Variants in SEMA5A observed in about 807,000 individuals in gnomAD.
The protein encoded by SEMA5A is semaphorin 5A, also known as semaphorin-5A.
A neutral mutation model predicts 135.5 loss-of-function variants in SEMA5A; 55 were observed. The observed-to-expected ratio is 0.41, with a 90% CI of 0.33 to 0.51. The LOEUF is 0.51. SEMA5A is among the 20% of genes least tolerant of loss of function. The pLI is 0.37. For missense variants in SEMA5A, 1,290 were observed against 1,419.9 expected, an observed-to-expected ratio of 0.91 and a Z score of 1.47; for synonymous variants, 580 against 546.5, an observed-to-expected ratio of 1.06 and a Z score of -0.85.
At chr5:9,444,230 T>A (rs1383541612) in intron 1 of SEMA5A, among the ~76,000 whole-genome samples, 1 of 152,146 alleles carries the variant, frequency 6.6e-6, no homozygotes, top group Non-Finnish European at 1.5e-5. Flanking sequence ...GGTGTTTGGT[T>A]ACATGAGTAA....
At chr5:9,315,762 G>A (rs1002792842) in intron 5 of SEMA5A, among the ~76,000 whole-genome samples, 2 of 152,134 alleles carry the variant, frequency 1.3e-5, no homozygotes, top group Non-Finnish European at 2.9e-5. Flanking sequence ...TCAAATCACT[G>A]AACTCTGTCC....
intron 8 of SEMA5A, 29 bp downstream of exon 8, chr5:9,224,645 T>G: frequency 1.2e-4 from 192 of 1,592,796 alleles, no homozygotes; most frequent in Non-Finnish European, 1.5e-4. Flanking sequence ...ACAAATGAGG[T>G]GAGAAAGAGG....
At chr5:9,409,820 C>A (rs1007748707) in intron 2 of SEMA5A, among the ~76,000 whole-genome samples, 1 of 152,006 alleles carries the variant, frequency 6.6e-6, no homozygotes, top group Non-Finnish European at 1.5e-5. Context: ...ATGCAGATAC[C>A]CAAATCAAAG....
At chr5:9,250,424 C>T (rs1460406219) in intron 5 of SEMA5A, among the ~76,000 whole-genome samples, 2 of 152,056 alleles carry the variant, frequency 1.3e-5, no homozygotes, top group African/African-American at 2.4e-5. Context: ...TAACCTTAGA[C>T]AAATAAAACT....
At chr5:9,054,065 C>A (rs956986331) in intron 19 of SEMA5A, 22 bp downstream of exon 19, 3 of 1,588,468 alleles carry the variant, frequency 1.9e-6, no homozygotes, top group Non-Finnish European at 1.7e-6. Flanking sequence ...GAAAGCTGTG[C>A]AGTAGGTGAG....
At chr5:9,438,143 T>G (rs1374347130) in intron 1 of SEMA5A, among the ~76,000 whole-genome samples, 4 of 152,222 alleles carry the variant, frequency 2.6e-5, no homozygotes, top group Non-Finnish European at 5.9e-5. Flanking sequence ...GAACCATTAT[T>G]TCAAAATTAT....
intron 5 of SEMA5A, among the ~76,000 whole-genome samples, chr5:9,311,743 T>C (rs1209273751): frequency 6.6e-6 from 1 of 151,966 alleles, no homozygotes; most frequent in Non-Finnish European, 1.5e-5. Context: ...TAAAGTATAA[T>C]GATAATAAAA....
intron 11 of SEMA5A, among the ~76,000 whole-genome samples, chr5:9,170,379 G>A (rs998234377): frequency 1.3e-5 from 2 of 152,108 alleles, no homozygotes; most frequent in African/African-American, 2.4e-5. Context: ...TACCCAACAT[G>A]TACATGTTAT....
At chr5:9,511,283 C>T (rs1271490273) in intron 1 of SEMA5A, 2 of 152,148 alleles carry the variant, frequency 1.3e-5, no homozygotes, top group Non-Finnish European at 2.9e-5. Context: ...TGATGTTCCT[C>T]TTATCTCTGT....
intron 2 of SEMA5A, among the ~76,000 whole-genome samples, chr5:9,397,050 C>CAA (rs11345966): frequency 7.2e-6 from 1 of 138,802 alleles, no homozygotes; most frequent in Non-Finnish European, 1.6e-5. Flanking sequence ...ACAAGGAAGA[C>CAA]AAAAAAAAAA....
intron 1 of SEMA5A, among the ~76,000 whole-genome samples, chr5:9,470,303 C>T (rs1182743182): frequency 6.6e-6 from 1 of 152,184 alleles, no homozygotes; most frequent in Admixed American, 6.6e-5. Flanking sequence ...TGCAGCAATA[C>T]TGTACAATGA....
intron 3 of SEMA5A, among the ~76,000 whole-genome samples, chr5:9,353,145 A>G (rs1182118740): frequency 2.3e-5 from 2 of 87,478 alleles, no homozygotes; most frequent in Non-Finnish European, 4.5e-5. Context: ...AGGAAAGGAA[A>G]GGAAAGGAAA....
At chr5:9,487,179 C>A (rs1305365319) in intron 1 of SEMA5A, among the ~76,000 whole-genome samples, 1 of 152,050 alleles carries the variant, frequency 6.6e-6, no homozygotes, top group East Asian at 1.9e-4. Flanking sequence ...AATTGGAAAT[C>A]AAAAAATTAA....
chr5:9,483,750 G>T (rs1295936130), intron 1 of SEMA5A, among the ~76,000 whole-genome samples: 1 of 152,186 alleles, frequency 6.6e-6, no homozygotes, highest in Non-Finnish European at 1.5e-5. Context: ...GAAGAAAAAA[G>T]TAATTTAGAT....
chr5:9,171,697 G>C (rs376242782), intron 11 of SEMA5A, among the ~76,000 whole-genome samples: 5 of 152,276 alleles, frequency 3.3e-5, no homozygotes, highest in African/African-American at 1.2e-4. Flanking sequence ...CCCTAACTGG[G>C]ATGTAGATGG....
At chr5:9,407,117 G>C (rs1756916346) in intron 2 of SEMA5A, among the ~76,000 whole-genome samples, 1 of 152,190 alleles carries the variant, frequency 6.6e-6, no homozygotes, top group African/African-American at 2.4e-5. Context: ...GACAATCTTA[G>C]TGATGTTTCT....
At chr5:9,101,679 C>T (rs529590791) in intron 16 of SEMA5A, among the ~76,000 whole-genome samples, 8 of 152,114 alleles carry the variant, frequency 5.3e-5, no homozygotes, top group East Asian at 3.9e-4. Context: ...CCAGGTCCAC[C>T]GGCTTGTTAA....
At chr5:9,536,241 T>C (rs72729191) in intron 1 of SEMA5A, among the ~76,000 whole-genome samples, 13,070 of 151,920 alleles carry the variant, frequency 0.086, 591 homozygotes, top group Admixed American at 0.11. Context: ...ACGACAATCA[T>C]AAGGAGGGGG....
intron 1 of SEMA5A, among the ~76,000 whole-genome samples, chr5:9,461,766 T>C (rs552644828): frequency 5.6e-4 from 86 of 152,320 alleles, no homozygotes; most frequent in South Asian, 8.3e-4. Context: ...GACAACTAAG[T>C]AAGAGACAGG....
Sources: gnomAD v4.1 joint callset for allele counts (sites outside exome capture counted in the v4.1 genomes callset) on GRCh38, gnomAD v4.1.1 for gene constraint, MANE v1.5 for transcripts, NCBI Gene and HGNC (gene_info 2026-07-23, HGNC 2026-07-21) for gene names.